The following WRN variants were observed in gnomAD, a reference collection of about 807,000 sequenced individuals.
The protein encoded by WRN is bifunctional 3'-5' exonuclease/ATP-dependent helicase WRN.
In WRN, 149 loss-of-function variants were observed where a neutral mutation model predicts 180.7. That is an observed-to-expected ratio of 0.82 (90% confidence interval 0.72 to 0.94). The LOEUF (loss-of-function observed/expected upper bound fraction) is 0.94. WRN is among the 40% of genes least tolerant of loss of function. WRN has a pLI of 0.00. For missense variants in WRN, 1,661 were observed against 1,700.1 expected, an observed-to-expected ratio of 0.98 and a Z score of 0.40; for synonymous variants, 548 against 568.9, an observed-to-expected ratio of 0.96 and a Z score of 0.52.
chr8:31,106,171 C>T (rs1231095216), intron 18 of WRN, among the ~76,000 whole-genome samples: 1 of 152,124 alleles, frequency 6.6e-6, no homozygotes, highest in Non-Finnish European at 1.5e-5. Flanking sequence ...AAGGAAATCT[C>T]GTGAGGTCTT....
chr8:31,150,618 A>C lies in WRN; in HGVS notation c.3687+163A>C, dbSNP rs1335845304. Among the ~76,000 whole-genome samples, 7 of 152,206 alleles carry C rather than the reference A, an allele frequency of 4.6e-5. 1 individual carries two copies. The highest frequency in any genetic ancestry group is 1.0e-4 in the Non-Finnish European group (7 of 68,028). ...TTTTTACAGTCAATCTGTTGTAAAA[A>C]CATGTCAGTTATCTACTTTTAAAGA... On this transcript the variant is annotated intron_variant, in intron 31 of 34. Transcript: ENST00000298139.
intron 4 of WRN, 104 bp from the exon 5 acceptor site, chr8:31,064,811 A>T: frequency 7.6e-7 from 1 of 1,319,986 alleles, no homozygotes; most frequent in Non-Finnish European, 1.1e-6. Flanking sequence ...ATTTAAAATT[A>T]CTGTTAAATA....
intron 8 of WRN, 25 bp downstream of exon 8, chr8:31,076,312 TAACTTAAATCAATTCTGTTTA>T: frequency 6.6e-7 from 1 of 1,517,390 alleles, no homozygotes; most frequent in African/African-American, 1.4e-5. Context: ...TTTTTTTTTT[TAACTTAAATCAATTCTGTTTA>T]TTTTTTTATC....
rs2130005359 is a variant in WRN, at chr8:31,059,218, G to A, written c.162G>A (p.Val54=). ...TCTTAGAATTCACTGGATCCATTGT[G>A]TATAGTTACGATGCTAGTGATTGCT... ...LPFLEFTGSI[V]YSYDASDCSF... Residue 54 remains valine (V), a synonymous_variant, in exon 3 of 35, where the codon GTG becomes GTA. Transcript: ENST00000298139. 1 of 1,613,828 alleles carries A rather than the reference G, an allele frequency of 6.2e-7. No individual in the cohort carries two copies. Among genetic ancestry groups the A allele is most frequent in the South Asian group, 1.1e-5 (1 of 91,080 alleles).
chr8:31,141,303 C>T, intron 24 of WRN, 127 bp from the exon 25 acceptor site: 2 of 1,193,592 alleles, frequency 1.7e-6, no homozygotes, highest in Non-Finnish European at 2.4e-6. Context: ...ATGGGTATAA[C>T]ATTTTTGTAG....
intron 21 of WRN, 135 bp downstream of exon 21, chr8:31,120,559 A>AG: frequency 1.1e-6 from 1 of 921,072 alleles, no homozygotes; most frequent in East Asian, 2.7e-5. Context: ...AAAAAAAAGA[A>AG]AAATAAAACC....
intron 11 of WRN, among the ~76,000 whole-genome samples, chr8:31,086,199 GATT>G (rs1207310717): frequency 2.0e-5 from 3 of 151,806 alleles, no homozygotes; most frequent in Non-Finnish European, 4.4e-5. Context: ...AGGTTGATGA[GATT>G]TTTTTATTTT....
At chr8:31,064,224 T>C (rs1812604845) in intron 3 of WRN, 65 bp from the exon 4 acceptor site, 1 of 1,589,108 alleles carries the variant, frequency 6.3e-7, no homozygotes, top group Admixed American at 1.7e-5. Context: ...TTGAATTATG[T>C]CTTTAGTTAT....
chr8:31,145,850 G>T (rs1415492312), intron 28 of WRN, among the ~76,000 whole-genome samples: 2 of 152,070 alleles, frequency 1.3e-5, no homozygotes, highest in African/African-American at 4.8e-5. Context: ...CAAGAGTTTA[G>T]TGATAGACAT....
At chr8:31,067,226 A>G in intron 6 of WRN, 44 bp downstream of exon 6, 1 of 1,606,718 alleles carries the variant, frequency 6.2e-7, no homozygotes, top group Non-Finnish European at 8.5e-7. Context: ...TGTTTTAAAA[A>G]CATTATTATA....
chr8:31,039,370 C>T (rs1811562911), intron 1 of WRN, among the ~76,000 whole-genome samples: 1 of 151,704 alleles, frequency 6.6e-6, no homozygotes, highest in Non-Finnish European at 1.5e-5. Flanking sequence ...TCAGATTGTT[C>T]ATTTCTGGTG....
At chr8:31,154,456 A>C (rs1803289515) in intron 31 of WRN, among the ~76,000 whole-genome samples, 168 bp from the exon 32 acceptor site, 1 of 152,178 alleles carries the variant, frequency 6.6e-6, no homozygotes, top group Non-Finnish European at 1.5e-5. Flanking sequence ...TTTTAAAATC[A>C]ATATGTTAAA....
At chr8:31,162,145 C>T (rs2737346) in intron 33 of WRN, among the ~76,000 whole-genome samples, 65,230 of 152,046 alleles carry the variant, frequency 0.43, 14,303 homozygotes, top group East Asian at 0.64. Flanking sequence ...TGTAATGATT[C>T]TTCTTTATGA....
At chr8:31,114,755 AT>A (rs1025622062) in intron 19 of WRN, among the ~76,000 whole-genome samples, 13 of 151,644 alleles carry the variant, frequency 8.6e-5, no homozygotes, top group African/African-American at 2.2e-4. Flanking sequence ...ATTTATGCAA[AT>A]TTTTTTTCAT....
intron 18 of WRN, among the ~76,000 whole-genome samples, chr8:31,108,891 G>A (rs190640623): frequency 2.7e-4 from 41 of 152,348 alleles, no homozygotes; most frequent in Admixed American, 2.7e-3. Flanking sequence ...CCAAGCTCAA[G>A]TTCAAGCCCC....
At chr8:31,147,541 C>CT (rs1802910587) in intron 30 of WRN, 65 bp downstream of exon 30, 1 of 1,450,216 alleles carries the variant, frequency 6.9e-7, no homozygotes, top group African/African-American at 1.4e-5. Flanking sequence ...GAAAATATAT[C>CT]TAAGTTGATA....
At chr8:31,093,945 C>T (rs1014737954) in intron 16 of WRN, among the ~76,000 whole-genome samples, 1 of 152,110 alleles carries the variant, frequency 6.6e-6, no homozygotes, top group African/African-American at 2.4e-5. Context: ...GTTCATTCCT[C>T]TTATTGTTAA....
intron 23 of WRN, among the ~76,000 whole-genome samples, chr8:31,130,739 C>T (rs115915314): frequency 0.016 from 2,227 of 143,238 alleles, 57 homozygotes; most frequent in African/African-American, 0.053. Flanking sequence ...ACAGATTGCC[C>T]CACAAGTAAC....
chr8:31,103,269 A>G (rs1363640165), intron 18 of WRN, among the ~76,000 whole-genome samples: 1 of 152,240 alleles, frequency 6.6e-6, no homozygotes, highest in Admixed American at 6.5e-5. Flanking sequence ...ATACTCTAAA[A>G]TAATGGAAAA....
Sources: allele counts gnomAD v4.1 joint callset (sites outside exome capture counted in the v4.1 genomes callset), GRCh38; gene constraint gnomAD v4.1.1; transcripts MANE v1.5; gene names NCBI Gene and HGNC (gene_info 2026-07-23, HGNC 2026-07-21).